Variants in GSN observed in about 807,000 individuals in gnomAD.
GSN encodes the protein actin-depolymerizing factor.
In GSN, 56 loss-of-function variants were observed where a neutral mutation model predicts 85.7. The observed-to-expected ratio is 0.65, with a 90% CI of 0.53 to 0.82. The LOEUF (loss-of-function observed/expected upper bound fraction) is 0.82. Ranked by LOEUF, GSN falls within the 40% of genes least tolerant of loss-of-function variation. The probability of loss-of-function intolerance (pLI) is 0.00; values close to 1 mark genes in which losing one functional copy is unlikely to be tolerated. For synonymous variants in GSN, 373 were observed against 399.1 expected, an observed-to-expected ratio of 0.93 and a Z score of 0.78; for missense variants, 857 against 979.8, an observed-to-expected ratio of 0.87 and a Z score of 1.67.
Position 121,321,308 on chromosome 9 carries a change from C to T in GSN, c.1232C>T (p.Pro411Leu), listed in dbSNP as rs1400051321. ...GGTTCCAACAAGGTGCCCGTGGACC[C>T]TGCCACATATGGACAGTTCTATGGA... is the stretch of plus-strand genomic sequence containing the variant. ...IEGSNKVPVD[P>L]ATYGQFYGGD... The change falls in exon 11 of 18, where the codon CCT becomes CTT. Residue 411 changes from proline to leucine, a missense_variant. Transcript: ENST00000432226. 17 of 1,613,872 alleles carry T rather than the reference C, an allele frequency of 1.1e-5. No individual in the cohort carries two copies. The East Asian group carries it at 3.6e-4, about 34-fold the overall frequency.
At chr9:121,289,238 G>C (rs980946316) in intron 2 of GSN, among the ~76,000 whole-genome samples, 5 of 151,854 alleles carry the variant, frequency 3.3e-5, no homozygotes, top group Non-Finnish European at 5.9e-5. Flanking sequence ...GAGGGGCCCA[G>C]CGGAGTGGTG....
chr9:121,321,418 A>G lies in GSN; in HGVS notation c.1325+17A>G. The stretch of plus-strand genomic sequence containing the variant: ...CTATAACTGGTGAGGTTCTGGGGCC[A>G]TTGGTGTGTGTCGTGGGGGTACTGG... On this transcript the variant is annotated intron_variant, in intron 11 of 17. Transcript: ENST00000432226. 1.2e-6 allele frequency: 2 copies of G among 1,612,230 alleles called. No homozygotes were observed. Among genetic ancestry groups the G allele is most frequent in the Non-Finnish European group, 1.7e-6 (2 of 1,178,484 alleles).
At chr9:121,249,650 G>C (rs1304316452) in intron 6 of GSN, among the ~76,000 whole-genome samples, 1 of 151,972 alleles carries the variant, frequency 6.6e-6, no homozygotes, top group African/African-American at 2.4e-5. Flanking sequence ...TCTGGTTTGG[G>C]CAGCAATATT....
chr9:121,213,008 AG>A (rs1193567475), intron 4 of GSN, among the ~76,000 whole-genome samples: 1 of 152,070 alleles, frequency 6.6e-6, no homozygotes, highest in African/African-American at 2.4e-5. Context: ...TAAGGAGAAA[AG>A]GCAGCGTGAA....
At chr9:121,319,072 A>C (rs1255243838) in intron 10 of GSN, among the ~76,000 whole-genome samples, 192 bp downstream of exon 10, 1 of 152,182 alleles carries the variant, frequency 6.6e-6, no homozygotes, top group African/African-American at 2.4e-5. Flanking sequence ...TCTTGGCCCC[A>C]CCTTGCCCCG....
At chr9:121,328,829 C>T (rs1019490531) in intron 14 of GSN, 62 bp from the exon 15 acceptor site, 22 of 1,579,892 alleles carry the variant, frequency 1.4e-5, no homozygotes, top group South Asian at 3.3e-5. Flanking sequence ...TCCCAGGGTC[C>T]GATGAGATGG....
chr9:121,329,132 C>T lies in GSN; in HGVS notation c.1888-106C>T. 1.3e-6 allele frequency: 2 copies of T among 1,510,362 alleles called. No individual in the cohort carries two copies. The highest frequency in any genetic ancestry group is 3.5e-5 in the Admixed American group (2 of 57,966). 93.6% of individuals were successfully genotyped at this position (1,510,362 alleles called of 1,614,324 possible). On this transcript the variant is annotated intron_variant, in intron 15 of 17. Transcript: ENST00000432226. The surrounding 1 kb of genome is among the most constrained non-coding windows in gnomAD (Gnocchi z 4.6). ...GATGGTGTGGCACAGAGGAAGGGGC[C>T]CCCTGCCAGCTGCAGCCAGCTGTGC...
intron 7 of GSN, 78 bp downstream of exon 7, chr9:121,314,101 T>C: frequency 1.8e-6 from 2 of 1,124,182 alleles, no homozygotes; most frequent in South Asian, 2.5e-5. Context: ...CCCACTCCAC[T>C]GCTATGGGAC....
In GSN at chr9:121,312,490, T is replaced by G; in HGVS notation, c.663+2T>G. The G allele has an allele frequency of 1.9e-6, 3 of 1,598,136 alleles. No homozygotes were observed. The highest frequency in any genetic ancestry group is 1.7e-6 in the Non-Finnish European group (2 of 1,170,578). On this transcript the variant is annotated splice_donor_variant, in intron 6 of 17. Coordinates refer to ENST00000432226, the MANE Select transcript of GSN (RefSeq NM_198252.3). LOFTEE classifies it high-confidence loss of function. ...ACTGAGCCCGAGGCGATGCTCCAGG[T>G]GCCTGTGGGGTGCGCAATGGGGTGG...
intron 5 of GSN, among the ~76,000 whole-genome samples, chr9:121,241,516 T>C (rs2054604803): frequency 6.6e-6 from 1 of 152,224 alleles, no homozygotes; most frequent in Non-Finnish European, 1.5e-5. Context: ...TGTAACCTCT[T>C]CGGGCCTTAG....
chr9:121,311,556 A>C, intron 5 of GSN: 1 of 153,666 alleles, frequency 6.5e-6, no homozygotes, highest in Non-Finnish European at 1.4e-5. Context: ...CACTCACGTA[A>C]CACTGGATCA....
chr9:121,318,899 G>A lies in GSN; in HGVS notation c.1191+19G>A, dbSNP rs2062039186. The A allele has an allele frequency of 6.3e-7, 1 of 1,587,590 alleles. No homozygotes were observed. The highest frequency in any genetic ancestry group is 8.6e-7 in the Non-Finnish European group (1 of 1,156,256). On this transcript the variant is annotated intron_variant, in intron 10 of 17. Coordinates refer to ENST00000432226, the MANE Select transcript of GSN (RefSeq NM_198252.3). This position sits in a 1 kb window ranked among gnomAD's most constrained non-coding sequence, Gnocchi z 4.3. ...GAAACAGGTACGTTTAGGGCGTGGG[G>A]TGGGTGTGTCCAGGCCCCTCCCTCA... is the stretch of plus-strand genomic sequence containing the variant.
chr9:121,230,759 C>T (rs143389179), intron 4 of GSN, among the ~76,000 whole-genome samples: 1 of 152,232 alleles, frequency 6.6e-6, no homozygotes, highest in East Asian at 1.9e-4. Context: ...CAAAAGCTAC[C>T]TTTACCATCA....
intron 17 of GSN, 150 bp downstream of exon 17, chr9:121,331,598 C>T (rs1051049333): frequency 1.6e-6 from 1 of 623,314 alleles, no homozygotes; most frequent in Non-Finnish European, 2.9e-6. Flanking sequence ...GGGCCAGCCC[C>T]TCATAAATCC....
intron 4 of GSN, among the ~76,000 whole-genome samples, chr9:121,230,057 G>T (rs911926189): frequency 2.6e-5 from 4 of 152,182 alleles, no homozygotes; most frequent in African/African-American, 9.7e-5. Flanking sequence ...AATTCAGTGT[G>T]TAGAAATCCT....
chr9:121,214,325 C>T (rs926276350), intron 4 of GSN, among the ~76,000 whole-genome samples: 2 of 151,262 alleles, frequency 1.3e-5, no homozygotes, highest in Non-Finnish European at 2.9e-5. Flanking sequence ...TCTTCCTTTT[C>T]TTCTTCTTCC....
the GSN span, among the ~76,000 whole-genome samples, chr9:121,202,756 T>A: frequency 2.2e-3 from 340 of 152,358 alleles, no homozygotes; most frequent in Non-Finnish European, 3.6e-3. Flanking sequence ...TGCATTGATA[T>A]AAACATGACG....
chr9:121,319,993 A>G (rs2062207097), intron 10 of GSN, among the ~76,000 whole-genome samples: 1 of 152,136 alleles, frequency 6.6e-6, no homozygotes, highest in African/African-American at 2.4e-5. Context: ...TTGTTGCTTC[A>G]GTGGCTAGGG....
intron 2 of GSN, among the ~76,000 whole-genome samples, chr9:121,290,876 G>A (rs2058617108): frequency 6.6e-6 from 1 of 151,364 alleles, no homozygotes; most frequent in African/African-American, 2.4e-5. Context: ...AGGGTCTCAC[G>A]ACATTGTCCA....
Sources: allele counts gnomAD v4.1 joint callset (sites outside exome capture counted in the v4.1 genomes callset), GRCh38; gene constraint gnomAD v4.1.1; non-coding constraint Gnocchi (gnomAD v3.1); transcripts MANE v1.5; gene names NCBI Gene and HGNC (gene_info 2026-07-23, HGNC 2026-07-21).